The following ADGRE3 variants were observed in gnomAD, a reference collection of about 807,000 sequenced individuals.
ADGRE3 encodes the protein EGF-like module receptor 3.
A neutral mutation model predicts 80.1 loss-of-function variants in ADGRE3; 88 were observed. The ratio of observed to expected loss-of-function variants is 1.10; its 90% CI spans 0.93 to 1.31. The LOEUF (loss-of-function observed/expected upper bound fraction) is 1.31, where lower values mean the gene tolerates loss of function less well. Ranked by LOEUF, ADGRE3 falls within the 40% of genes most tolerant of loss-of-function variation. ADGRE3 has a pLI of 0.00. For synonymous variants in ADGRE3, 281 were observed against 294.8 expected, an observed-to-expected ratio of 0.95 and a Z score of 0.48; for missense variants, 715 against 776.5, an observed-to-expected ratio of 0.92 and a Z score of 0.94.
intron 15 of ADGRE3, among the ~76,000 whole-genome samples, chr19:14,620,570 T>A (rs372190919): frequency 0.12 from 910 of 7,410 alleles, 117 homozygotes; most frequent in Non-Finnish European, 0.14. Context: ...ATATATATAT[T>A]TTTTTTTTTT....
chr19:14,654,524 C>A (rs1023139283), intron 6 of ADGRE3, among the ~76,000 whole-genome samples: 1 of 152,092 alleles, frequency 6.6e-6, no homozygotes, highest in Non-Finnish European at 1.5e-5. Context: ...CTCAGCCTCC[C>A]AAAGTGCTGG....
At chr19:14,600,131 C>T in the ADGRE3 span, 3 of 1,613,934 alleles carry the variant, frequency 1.9e-6, no homozygotes, top group South Asian at 3.3e-5. Context: ...CCCGGATGTT[C>T]TGCCAGGAGA....
intron 10 of ADGRE3, among the ~76,000 whole-genome samples, chr19:14,638,792 T>A (rs1239400753): frequency 2.6e-5 from 4 of 151,778 alleles, no homozygotes; most frequent in Admixed American, 1.3e-4. Context: ...CTCATCCACT[T>A]CCCCCCTCAA....
intron 14 of ADGRE3, 138 bp downstream of exon 14, chr19:14,629,901 G>C: frequency 2.0e-6 from 1 of 506,716 alleles, no homozygotes; most frequent in East Asian, 3.0e-5. Flanking sequence ...TTTTAAAGTA[G>C]AGAAAATAGA....
intron 10 of ADGRE3, among the ~76,000 whole-genome samples, chr19:14,639,032 G>T (rs979664662): frequency 6.6e-6 from 1 of 152,024 alleles, no homozygotes; most frequent in Non-Finnish European, 1.5e-5. Flanking sequence ...CTCCCTAGTA[G>T]CTGGGACTAC....
intron 10 of ADGRE3, 52 bp downstream of exon 10, chr19:14,641,367 A>G (rs1475251966): frequency 1.9e-6 from 3 of 1,603,344 alleles, no homozygotes; most frequent in Non-Finnish European, 1.7e-6. Context: ...TTGCTCCATG[A>G]GCTCAGTGTA....
At chr19:14,665,974 A>ATATATATATATATATATG (rs1972095049) in intron 2 of ADGRE3, among the ~76,000 whole-genome samples, 1 of 134,486 alleles carries the variant, frequency 7.4e-6, no homozygotes, top group Non-Finnish European at 1.6e-5. Flanking sequence ...ATATATATAT[A>ATATATATATATATATATG]TATAGTGTTT....
the ADGRE3 span, chr19:14,607,010 C>A: frequency 7.7e-7 from 1 of 1,301,296 alleles, no homozygotes; most frequent in South Asian, 2.3e-5. Context: ...TGGCCAAGGC[C>A]CATGGCTCTC....
the ADGRE3 span, among the ~76,000 whole-genome samples, chr19:14,601,235 A>G: frequency 6.6e-6 from 1 of 152,152 alleles, no homozygotes; most frequent in South Asian, 2.1e-4. Context: ...GGTAACAGAC[A>G]GTCTCCATAG....
At chr19:14,600,800 T>A in the ADGRE3 span, among the ~76,000 whole-genome samples, 1 of 151,460 alleles carries the variant, frequency 6.6e-6, no homozygotes, top group African/African-American at 2.4e-5. Context: ...TTAGCCAGGA[T>A]GGATGGTCTT....
chr19:14,655,508 T>G (rs866204048), intron 5 of ADGRE3, among the ~76,000 whole-genome samples: 18 of 152,138 alleles, frequency 1.2e-4, no homozygotes, highest in African/African-American at 4.3e-4. Flanking sequence ...CAGGCTAGAG[T>G]GCAGTGGTGG....
rs577828830 is a variant in ADGRE3 at position 14,655,930 on chromosome 19, C to T, written c.394-765G>A. Among the ~76,000 whole-genome samples the T allele has an allele frequency of 2.0e-5, 3 of 152,046 alleles. No homozygotes were observed. In the South Asian group the frequency reaches 6.2e-4, roughly 32 times the overall value. On this transcript the variant is annotated intron_variant, in intron 5 of 15. Coordinates refer to ENST00000253673, the MANE Select transcript of ADGRE3 (RefSeq NM_032571.5). The stretch of plus-strand genomic sequence containing the variant: ...ACTGTCGCAACAAGGGAGTGGTTGC[C>T]ACTATTGAAGCAGCGTCACTGTCTG...
intron 15 of ADGRE3, among the ~76,000 whole-genome samples, chr19:14,625,220 T>G (rs1970704664): frequency 6.6e-6 from 1 of 152,152 alleles, no homozygotes; most frequent in South Asian, 2.1e-4. Context: ...CCTCAGGTGA[T>G]GCACCCACCT....
At chr19:14,621,152 T>G (rs1235366368) in intron 15 of ADGRE3, among the ~76,000 whole-genome samples, 1 of 152,052 alleles carries the variant, frequency 6.6e-6, no homozygotes. Flanking sequence ...CCTGAGTAGC[T>G]GGGATTACAG....
chr19:14,612,573 A>G, the ADGRE3 span, among the ~76,000 whole-genome samples: 1 of 152,112 alleles, frequency 6.6e-6, no homozygotes, highest in African/African-American at 2.4e-5. Flanking sequence ...AGGCTCAAGC[A>G]ATCTGCCCAC....
chr19:14,607,020 C>T, the ADGRE3 span: 1 of 1,315,854 alleles, frequency 7.6e-7, no homozygotes, highest in Non-Finnish European at 9.7e-7. Flanking sequence ...CCATGGCTCT[C>T]CACGGGTGTA....
chr19:14,664,405 C>T (rs936705803), intron 2 of ADGRE3, among the ~76,000 whole-genome samples: 5 of 152,002 alleles, frequency 3.3e-5, no homozygotes, highest in East Asian at 1.9e-4. Flanking sequence ...CCATTGTGAT[C>T]GCACCACGGT....
intron 4 of ADGRE3, among the ~76,000 whole-genome samples, chr19:14,661,567 C>A (rs1403957107): frequency 6.6e-6 from 1 of 152,206 alleles, no homozygotes; most frequent in East Asian, 1.9e-4. Context: ...TTCTCACCCC[C>A]TTATTTCCCT....
chr19:14,627,372 G>C (rs890795677), intron 14 of ADGRE3, among the ~76,000 whole-genome samples: 3 of 152,042 alleles, frequency 2.0e-5, no homozygotes, highest in Admixed American at 6.6e-5. Context: ...AAACCCTCTG[G>C]GGTAGTTTCT....
Sources: gnomAD v4.1 joint callset for allele counts (sites outside exome capture counted in the v4.1 genomes callset) on GRCh38, gnomAD v4.1.1 for gene constraint, MANE v1.5 for transcripts, NCBI Gene and HGNC (gene_info 2026-07-23, HGNC 2026-07-21) for gene names.